The following ARHGAP40 variants were observed in gnomAD, a reference collection of about 807,000 sequenced individuals.
ARHGAP40 encodes rho GTPase-activating protein 40.
Under a neutral mutation model 73.5 loss-of-function variants are expected in ARHGAP40, and 43 were observed. That is an observed-to-expected ratio of 0.58 (90% CI 0.46 to 0.75). The LOEUF (loss-of-function observed/expected upper bound fraction) is 0.75. Among genes scored for constraint, ARHGAP40 ranks in the 30% least tolerant of loss-of-function variants. The probability of loss-of-function intolerance (pLI) is 0.00; values close to 1 mark genes in which losing one functional copy is unlikely to be tolerated. For missense variants in ARHGAP40, 734 were observed against 861.8 expected, an observed-to-expected ratio of 0.85 and a Z score of 1.86; for synonymous variants, 300 against 352.8, an observed-to-expected ratio of 0.85 and a Z score of 1.68.
At chr20:38,640,989 A>G (rs571209558) in intron 9 of ARHGAP40, among the ~76,000 whole-genome samples, 1 of 151,888 alleles carries the variant, frequency 6.6e-6, no homozygotes, top group Admixed American at 6.6e-5. Flanking sequence ...TTCCTCCTTT[A>G]CTATTGTGTC....
intron 6 of ARHGAP40, among the ~76,000 whole-genome samples, chr20:38,635,262 G>T (rs1041910696): frequency 6.6e-6 from 1 of 152,114 alleles, no homozygotes; most frequent in African/African-American, 2.4e-5. Context: ...TGGGAAATTT[G>T]TGAAATAGAG....
chr20:38,607,078 C>T (rs1383324921), intron 1 of ARHGAP40, among the ~76,000 whole-genome samples: 2 of 152,154 alleles, frequency 1.3e-5, no homozygotes, highest in African/African-American at 2.4e-5. Context: ...AGTACAGTGC[C>T]CACCATTTAG....
chr20:38,634,749 C>T (rs1464234874), exon 6 of ARHGAP40: 2 of 1,302,544 alleles, frequency 1.5e-6, no homozygotes, highest in Non-Finnish European at 2.0e-6. Context: ...CGGCTTGGAC[C>T]TGAAGAGGAG....
chr20:38,605,258 C>T (rs560759015), intron 1 of ARHGAP40, among the ~76,000 whole-genome samples: 104 of 152,252 alleles, frequency 6.8e-4, no homozygotes, highest in Middle Eastern at 3.4e-3. Flanking sequence ...TACATGAAGT[C>T]CTGTGATGGA....
chr20:38,645,910 C>T (rs1470446088), intron 11 of ARHGAP40, 137 bp from the exon 12 acceptor site: 5 of 807,014 alleles, frequency 6.2e-6, no homozygotes, highest in South Asian at 2.0e-5. Context: ...GCTTCCGTCC[C>T]GTGTCCAACA....
chr20:38,617,263 ACAGGCTCTCGGCTTCGCTGAG>A (rs1400958365), intron 1 of ARHGAP40, among the ~76,000 whole-genome samples: 3 of 152,168 alleles, frequency 2.0e-5, no homozygotes, highest in African/African-American at 7.2e-5. Flanking sequence ...GCTTCCCTGA[ACAGGCTCTCGGCTTCGCTGAG>A]CAGGCTCTTG....
At chr20:38,642,974 G>C (rs1015385222) in intron 10 of ARHGAP40, among the ~76,000 whole-genome samples, 1 of 151,898 alleles carries the variant, frequency 6.6e-6, no homozygotes, top group Non-Finnish European at 1.5e-5. Context: ...AACCCCGTCT[G>C]TACTACAAAT....
chr20:38,620,002 T>A lies in ARHGAP40; in HGVS notation c.138-3357T>A, dbSNP rs557079907. 2.0e-5 allele frequency among the ~76,000 whole-genome samples: 3 copies of A among 152,230 alleles called. No individual in the cohort carries two copies. The South Asian group carries it at 6.2e-4, about 32-fold the overall frequency. On this transcript the variant is annotated intron_variant, in intron 1 of 14. Coordinates refer to ENST00000373345, the Ensembl canonical transcript of ARHGAP40. ...TGGGAGCATCGCTTGAGCCCAAGAC[T>A]TCGAGGCAGCAGTGAGCTATGATCG...
exon 5 of ARHGAP40, chr20:38,629,519 C>G (rs1364456732): frequency 7.7e-7 from 1 of 1,305,436 alleles, no homozygotes. Flanking sequence ...GCCTGGGGGG[C>G]TGCAGGAGCA....
At chr20:38,615,527 T>A in intron 1 of ARHGAP40, 1 of 624,760 alleles carries the variant, frequency 1.6e-6, no homozygotes, top group Non-Finnish European at 3.0e-6. Context: ...GGCCCTTCAG[T>A]GTCCCGGAGG....
chr20:38,609,543 G>A (rs1209507984), intron 1 of ARHGAP40, among the ~76,000 whole-genome samples: 1 of 152,224 alleles, frequency 6.6e-6, no homozygotes, highest in Non-Finnish European at 1.5e-5. Context: ...AGAGATCCCA[G>A]ACTAAAGGAG....
chr20:38,632,801 C>A (rs2088949417), intron 5 of ARHGAP40, among the ~76,000 whole-genome samples: 1 of 151,228 alleles, frequency 6.6e-6, no homozygotes, highest in South Asian at 2.1e-4. Context: ...CATAGCAAGA[C>A]CCCATCTCTA....
chr20:38,633,490 A>G (rs1568609318), intron 5 of ARHGAP40, among the ~76,000 whole-genome samples: 1 of 152,208 alleles, frequency 6.6e-6, no homozygotes, highest in Non-Finnish European at 1.5e-5. Flanking sequence ...TAATCCCACC[A>G]ACAGTCTTGT....
At chr20:38,605,924 T>C (rs2088768535) in intron 1 of ARHGAP40, among the ~76,000 whole-genome samples, 1 of 152,210 alleles carries the variant, frequency 6.6e-6, no homozygotes. Context: ...TCTTGCTCTA[T>C]TGACCAGGCT....
rs762896573 is a variant in ARHGAP40, at chr20:38,648,783, G to C, written c.1936+85G>C. The C allele has an allele frequency of 2.3e-5, 26 of 1,150,666 alleles. No individual in the cohort carries two copies. The Middle Eastern group carries it at 7.6e-4, about 34-fold the overall frequency. The allele number at this position is 1,150,666 out of a possible 1,614,324, so 71.3% of individuals were successfully genotyped here. On this transcript the variant is annotated intron_variant, in intron 14 of 14. Coordinates refer to ENST00000373345, the Ensembl canonical transcript of ARHGAP40. ...AAAGGCTCACTGGGCCCTTCTGTGG[G>C]AGGCCAGAGTAGGCCTGCAGATGAG... is the stretch of plus-strand genomic sequence containing the variant.
intron 1 of ARHGAP40, among the ~76,000 whole-genome samples, chr20:38,608,505 G>A (rs530855126): frequency 2.6e-5 from 4 of 152,276 alleles, no homozygotes; most frequent in East Asian, 3.9e-4. Flanking sequence ...ACTATGGGCT[G>A]AATGTTTTAC....
At position 38,641,714 on chromosome 20, in the gene ARHGAP40, C is replaced by T; in HGVS notation, c.1280-12C>T. The T allele has an allele frequency of 7.7e-7, 1 of 1,295,118 alleles. No individual in the cohort carries two copies. The highest frequency in any genetic ancestry group is 1.0e-6 in the Non-Finnish European group (1 of 984,860). 80.2% of individuals were successfully genotyped at this position (1,295,118 alleles called of 1,614,324 possible). A position where few individuals can be genotyped will look rare whatever the true frequency, so the allele number is the denominator to read the frequency against. On this transcript the variant is annotated splice_polypyrimidine_tract_variant and intron_variant, in intron 9 of 14. Transcript: ENST00000373345. Reference sequence around the variant, plus strand: ...GCCTCCCATGGAGACTGAGGTCCCTCCCTTCCCGCAGACATCCCCAACCTG... The same window carrying T: ...GCCTCCCATGGAGACTGAGGTCCCTTCCTTCCCGCAGACATCCCCAACCTG...
intron 5 of ARHGAP40, among the ~76,000 whole-genome samples, 158 bp downstream of exon 5, chr20:38,629,808 G>A (rs969820038): frequency 2.6e-5 from 4 of 152,204 alleles, no homozygotes; most frequent in Admixed American, 2.0e-4. Flanking sequence ...CTGAGTGACC[G>A]CTGGGTATCA....
exon 14 of ARHGAP40, chr20:38,648,667 C>A: frequency 7.7e-7 from 1 of 1,305,732 alleles, no homozygotes; most frequent in South Asian, 1.2e-5. Context: ...AGTCAGCCAA[C>A]ATCCTCCTCT....
Sources: gnomAD v4.1 joint callset for allele counts (sites outside exome capture counted in the v4.1 genomes callset) on GRCh38, gnomAD v4.1.1 for gene constraint, MANE v1.5 for transcripts, NCBI Gene and HGNC (gene_info 2026-07-23, HGNC 2026-07-21) for gene names.